Variants in PCDH9 observed in about 807,000 individuals in gnomAD.
PCDH9 encodes protocadherin-9.
A neutral mutation model predicts 70.6 loss-of-function variants in PCDH9; 24 were observed. That is an observed-to-expected ratio of 0.34 (90% confidence interval 0.25 to 0.48). The LOEUF (loss-of-function observed/expected upper bound fraction) is 0.48. Ranked by LOEUF, PCDH9 falls within the 20% of genes least tolerant of loss-of-function variation. PCDH9 has a pLI of 0.99. For missense variants in PCDH9, 1,281 were observed against 1,503.6 expected (o/e 0.85, Z 2.45); for synonymous variants, 562 against 558.5 (o/e 1.01, Z -0.09).
At chr13:67,032,848 G>A (rs1330797556) in intron 2 of PCDH9, among the ~76,000 whole-genome samples, 1 of 152,214 alleles carries the variant, frequency 6.6e-6, no homozygotes, top group African/African-American at 2.4e-5. Context: ...AGCAACTGCT[G>A]TGTTTTGAAG....
intron 3 of PCDH9, among the ~76,000 whole-genome samples, chr13:66,839,596 T>C (rs2081082097): frequency 1.3e-5 from 2 of 152,216 alleles, no homozygotes; most frequent in South Asian, 4.1e-4. Flanking sequence ...TTTATCTTCA[T>C]CTCCCTGTCT....
At chr13:66,821,286 A>G (rs76066698) in intron 3 of PCDH9, among the ~76,000 whole-genome samples, 2,316 of 152,144 alleles carry the variant, frequency 0.015, 73 homozygotes, top group African/African-American at 0.052. Context: ...GTGGGTTAGG[A>G]AAAAAAATGA....
intron 3 of PCDH9, among the ~76,000 whole-genome samples, chr13:66,669,013 A>G (rs1270855383): frequency 6.6e-6 from 1 of 152,162 alleles, no homozygotes; most frequent in Non-Finnish European, 1.5e-5. Flanking sequence ...GATTTATTTA[A>G]TCTTATGTTG....
intron 3 of PCDH9, among the ~76,000 whole-genome samples, chr13:66,733,203 G>A (rs1729996411): frequency 6.6e-6 from 1 of 151,962 alleles, no homozygotes; most frequent in African/African-American, 2.4e-5. Context: ...ATTAGGGAGT[G>A]TTTTCATTTA....
At chr13:67,041,064 A>T (rs1382646313) in intron 2 of PCDH9, among the ~76,000 whole-genome samples, 1 of 148,384 alleles carries the variant, frequency 6.7e-6, no homozygotes, top group Admixed American at 6.7e-5. Context: ...CAAGAACATT[A>T]AAAAAAAAAG....
chr13:66,629,966 G>C (rs764116382), intron 4 of PCDH9, among the ~76,000 whole-genome samples: 4 of 152,136 alleles, frequency 2.6e-5, no homozygotes, highest in Non-Finnish European at 4.4e-5. Context: ...AAGCCCTGTT[G>C]TATGTTTTAC....
chr13:66,619,454 A>G (rs2077396607), intron 4 of PCDH9, among the ~76,000 whole-genome samples: 1 of 152,144 alleles, frequency 6.6e-6, no homozygotes, highest in African/African-American at 2.4e-5. Context: ...AATTTTATTT[A>G]TTTTTTAAGT....
At chr13:67,130,767 C>G (rs538380147) in intron 2 of PCDH9, among the ~76,000 whole-genome samples, 142 of 152,206 alleles carry the variant, frequency 9.3e-4, no homozygotes, top group Non-Finnish European at 1.7e-3. Flanking sequence ...GCCATATTGC[C>G]CAGACCCCTC....
intron 4 of PCDH9, among the ~76,000 whole-genome samples, chr13:66,585,546 C>A (rs2076951404): frequency 6.6e-6 from 1 of 152,098 alleles, no homozygotes; most frequent in African/African-American, 2.4e-5. Context: ...TATATCTCTT[C>A]ATTTAAGAAC....
chr13:66,976,097 C>T (rs376500924), intron 2 of PCDH9, among the ~76,000 whole-genome samples: 6 of 152,110 alleles, frequency 3.9e-5, no homozygotes, highest in East Asian at 1.9e-4. Context: ...AGACAGGAGA[C>T]GGTCCCTCTG....
chr13:66,305,053 TAAGAA>T, intron 4 of PCDH9, 25 bp from the exon 5 acceptor site: 1 of 1,555,052 alleles, frequency 6.4e-7, no homozygotes. Context: ...AGAGAGAAAA[TAAGAA>T]AAGGAAGTGG....
At chr13:66,808,469 T>C in intron 3 of PCDH9, among the ~76,000 whole-genome samples, 1 of 152,096 alleles carries the variant, frequency 6.6e-6, no homozygotes, top group East Asian at 1.9e-4. Flanking sequence ...TACATAGTAA[T>C]AGGGCAACTT....
intron 4 of PCDH9, among the ~76,000 whole-genome samples, chr13:66,458,362 AT>A (rs1262684379): frequency 6.6e-6 from 1 of 152,058 alleles, no homozygotes; most frequent in African/African-American, 2.4e-5. Context: ...TCAAAAGAAT[AT>A]TTTATTTTTT....
At chr13:66,833,410 T>C (rs2080961912) in intron 3 of PCDH9, among the ~76,000 whole-genome samples, 2 of 152,176 alleles carry the variant, frequency 1.3e-5, no homozygotes, top group South Asian at 2.1e-4. Context: ...ATACATTTCA[T>C]TTGATCCTCT....
chr13:66,588,633 A>T (rs17495004), intron 4 of PCDH9, among the ~76,000 whole-genome samples: 8 of 151,946 alleles, frequency 5.3e-5, no homozygotes, highest in Non-Finnish European at 1.2e-4. Flanking sequence ...CCTACAATCT[A>T]TTATACCTTG....
rs2077567065 is a variant in PCDH9 at position 66,631,210 on chromosome 13, C to G, written c.3340G>C (p.Asp1114His). Residue 1114 changes from aspartate to histidine, a missense_variant and splice_region_variant, in exon 4 of 5, where the codon GAT becomes CAT. Around this residue, in one of 4 missense-constraint regions of PCDH9, gnomAD observed 264 missense variants for 278.8 expected, o/e 0.95. Coordinates refer to ENST00000377865, the MANE Select transcript of PCDH9 (RefSeq NM_203487.3). The stretch of plus-strand genomic sequence containing the variant: ...AATCAAAATTTTGAAGGGGACTCAC[C>G]AGAGTTGGGATCAGAGTTGCCATCT... ...EADGNSDPNS[D>H]GPLGPRGLAE... The G allele has an allele frequency of 1.0e-5, 16 of 1,545,232 alleles. No individual in the cohort carries two copies. Among genetic ancestry groups the G allele is most frequent in the Non-Finnish European group, 1.4e-5 (16 of 1,117,254 alleles).
At chr13:66,712,510 T>A (rs1343527731) in intron 3 of PCDH9, among the ~76,000 whole-genome samples, 1 of 151,996 alleles carries the variant, frequency 6.6e-6, no homozygotes, top group Non-Finnish European at 1.5e-5. Context: ...CATGAGAAAA[T>A]TTAAAAAAAA....
chr13:67,118,772 C>A (rs2086824906), intron 2 of PCDH9, among the ~76,000 whole-genome samples: 2 of 152,140 alleles, frequency 1.3e-5, no homozygotes, highest in African/African-American at 4.8e-5. Context: ...ATATCTATAT[C>A]TATGACACCA....
At chr13:66,819,145 T>C (rs1039730658) in intron 3 of PCDH9, among the ~76,000 whole-genome samples, 3 of 152,066 alleles carry the variant, frequency 2.0e-5, no homozygotes, top group African/African-American at 4.8e-5. Context: ...ATAGGAAAGA[T>C]AAAATGCTTG....
Sources: gnomAD v4.1 joint callset for allele counts (sites outside exome capture counted in the v4.1 genomes callset) on GRCh38, gnomAD v4.1.1 for gene constraint, gnomAD v4.1.1 regional missense constraint, MANE v1.5 for transcripts, NCBI Gene and HGNC (gene_info 2026-07-23, HGNC 2026-07-21) for gene names.